The following STXBP4 variants were observed in gnomAD, a reference collection of about 807,000 sequenced individuals.
STXBP4 encodes syntaxin binding protein 4.
A neutral mutation model predicts 76.1 loss-of-function variants in STXBP4; 55 were observed. The ratio of observed to expected loss-of-function variants is 0.72; its 90% CI spans 0.58 to 0.91. The LOEUF (loss-of-function observed/expected upper bound fraction) is 0.91. Ranked by LOEUF, STXBP4 falls within the 40% of genes least tolerant of loss-of-function variation. STXBP4 has a pLI of 0.00. For synonymous variants in STXBP4, 201 were observed against 220.2 expected, an observed-to-expected ratio of 0.91 and a Z score of 0.77; for missense variants, 618 against 636.9, an observed-to-expected ratio of 0.97 and a Z score of 0.32.
chr17:55,082,518 A>G (rs529806609), intron 16 of STXBP4, among the ~76,000 whole-genome samples: 2 of 152,302 alleles, frequency 1.3e-5, no homozygotes, highest in South Asian at 2.1e-4. Context: ...CTAGTAGGAC[A>G]TTTAAACATT....
chr17:55,068,526 A>G (rs560954970), intron 12 of STXBP4, among the ~76,000 whole-genome samples: 1 of 152,172 alleles, frequency 6.6e-6, no homozygotes, highest in Non-Finnish European at 1.5e-5. Context: ...TAAAAAATAC[A>G]TGTGCAAATT....
At chr17:55,097,838 G>T (rs899869831) in intron 16 of STXBP4, among the ~76,000 whole-genome samples, 2 of 152,120 alleles carry the variant, frequency 1.3e-5, no homozygotes, top group Admixed American at 1.3e-4. Flanking sequence ...AATAGATTTG[G>T]CTTTGAGAAT....
chr17:54,999,606 A>T, intron 5 of STXBP4, 26 bp from the exon 6 acceptor site: 3 of 1,592,818 alleles, frequency 1.9e-6, no homozygotes, highest in Non-Finnish European at 2.6e-6. Flanking sequence ...TAGCATATCC[A>T]TAAAGTGATT....
chr17:55,074,879 G>A (rs1400013480), intron 13 of STXBP4, among the ~76,000 whole-genome samples: 1 of 150,620 alleles, frequency 6.6e-6, no homozygotes, highest in Non-Finnish European at 1.5e-5. Context: ...AATATCAGTG[G>A]AAAAAAAGAA....
intron 16 of STXBP4, among the ~76,000 whole-genome samples, chr17:55,108,598 T>C (rs917409863): frequency 6.6e-6 from 1 of 152,172 alleles, no homozygotes; most frequent in Non-Finnish European, 1.5e-5. Flanking sequence ...AAGCATAGTA[T>C]CTGGGCTGGA....
downstream of STXBP4, among the ~76,000 whole-genome samples, chr17:55,174,767 G>A (rs550924420): frequency 6.6e-6 from 1 of 152,224 alleles, no homozygotes; most frequent in Admixed American, 6.5e-5. Context: ...ATCTAAGAAT[G>A]GCTCTGCCTT....
intron 8 of STXBP4, among the ~76,000 whole-genome samples, chr17:55,018,964 G>T (rs2078257067): frequency 6.6e-6 from 1 of 152,182 alleles, no homozygotes; most frequent in African/African-American, 2.4e-5. Flanking sequence ...CTGACAAGGT[G>T]TTGCTAAAAT....
At chr17:55,070,098 G>T (rs1346411087) in intron 12 of STXBP4, among the ~76,000 whole-genome samples, 1 of 152,128 alleles carries the variant, frequency 6.6e-6, no homozygotes, top group Non-Finnish European at 1.5e-5. Flanking sequence ...TAGTTGGCAA[G>T]GTAGTACAGC....
intron 11 of STXBP4, chr17:55,043,561 T>C: frequency 6.8e-7 from 1 of 1,469,770 alleles, no homozygotes; most frequent in Non-Finnish European, 9.3e-7. Context: ...TGGTTTTTGC[T>C]CATGTCTTCT....
At chr17:55,061,474 C>CAT (rs1337500165) in intron 12 of STXBP4, among the ~76,000 whole-genome samples, 1 of 152,094 alleles carries the variant, frequency 6.6e-6, no homozygotes, top group Non-Finnish European at 1.5e-5. Context: ...AAGAAAAATA[C>CAT]ATATATTTGT....
chr17:55,202,001 C>T, the STXBP4 span, among the ~76,000 whole-genome samples: 135 of 152,262 alleles, frequency 8.9e-4, 3 homozygotes, highest in South Asian at 0.011. Context: ...GAATGTTTCT[C>T]CTTTTCTCTT....
the STXBP4 span, among the ~76,000 whole-genome samples, chr17:55,206,882 G>A: frequency 2.1e-5 from 3 of 145,622 alleles, no homozygotes; most frequent in Non-Finnish European, 3.0e-5. Context: ...AAAAAAGGAG[G>A]TGTCAAAGGA....
intron 16 of STXBP4, among the ~76,000 whole-genome samples, chr17:55,091,331 C>T (rs1250941216): frequency 1.3e-5 from 2 of 152,242 alleles, no homozygotes; most frequent in East Asian, 3.9e-4. Context: ...CATATATTCT[C>T]ACTCAATAAT....
chr17:55,165,578 A>C lies in STXBP4; in HGVS notation c.*5667A>C, dbSNP rs1221920613. ...TTCAATCCACATGTTCTCTCAATGG[A>C]AATCAATTCGGACAATAACATTAGA... On this transcript the variant is annotated 3_prime_UTR_variant, in exon 18 of 18. Coordinates refer to ENST00000376352, the MANE Select transcript of STXBP4 (RefSeq NM_178509.6). 6.6e-6 allele frequency: 1 copy of C among 152,274 alleles called. No homozygotes were observed. Among genetic ancestry groups the C allele is most frequent in the Non-Finnish European group, 1.5e-5 (1 of 68,056 alleles). The allele number at this position is 152,274 out of a possible 1,614,324, so 9.4% of individuals were successfully genotyped here. A position where few individuals can be genotyped will look rare whatever the true frequency, so the allele number is the denominator to read the frequency against.
At chr17:54,983,966 C>G (rs1210920878) in intron 1 of STXBP4, among the ~76,000 whole-genome samples, 2 of 152,186 alleles carry the variant, frequency 1.3e-5, no homozygotes, top group African/African-American at 4.8e-5. Context: ...GAATAACTTT[C>G]TTACTTCATG....
intron 16 of STXBP4, among the ~76,000 whole-genome samples, chr17:55,094,325 A>G (rs1013532496): frequency 1.3e-5 from 2 of 152,148 alleles, no homozygotes; most frequent in African/African-American, 4.8e-5. Flanking sequence ...AGGAAGGCAC[A>G]AGGAGTAACA....
At chr17:55,148,607 C>T (rs1485286795) in intron 17 of STXBP4, among the ~76,000 whole-genome samples, 1 of 151,544 alleles carries the variant, frequency 6.6e-6, no homozygotes, top group Non-Finnish European at 1.5e-5. Flanking sequence ...GACACAGTCT[C>T]GGCTCAGTGC....
rs1243978395 is a variant in STXBP4, at chr17:55,170,196, A to T, written c.*10285A>T. The stretch of plus-strand genomic sequence containing the variant: ...AATGACCCCAAGTTTAGACCAAAAT[A>T]AAAAAATGCTTAAAAGGCTTATTAA... On this transcript the variant is annotated 3_prime_UTR_variant, in exon 18 of 18. Transcript: ENST00000376352. The T allele has an allele frequency of 1.3e-5, 2 of 152,164 alleles. No homozygotes were observed. The highest frequency in any genetic ancestry group is 4.8e-5 in the African/African-American group (2 of 41,426). 9.4% of individuals were successfully genotyped at this position (152,164 alleles called of 1,614,324 possible).
intron 12 of STXBP4, among the ~76,000 whole-genome samples, chr17:55,062,294 G>A (rs2079003730): frequency 6.6e-6 from 1 of 152,006 alleles, no homozygotes; most frequent in Non-Finnish European, 1.5e-5. Context: ...CTGTGTCCAT[G>A]TGTTCTCATT....
Sources: gnomAD v4.1 joint callset for allele counts (sites outside exome capture counted in the v4.1 genomes callset) on GRCh38, gnomAD v4.1.1 for gene constraint, MANE v1.5 for transcripts, NCBI Gene and HGNC (gene_info 2026-07-23, HGNC 2026-07-21) for gene names.